TERT: variants seen among roughly 807,000 people sequenced by gnomAD.
The protein encoded by TERT is telomerase reverse transcriptase, also known as telomerase catalytic subunit.
Under a neutral mutation model 104.0 loss-of-function variants are expected in TERT, and 42 were observed. The ratio of observed to expected loss-of-function variants is 0.40; its 90% CI spans 0.32 to 0.52. TERT has a LOEUF of 0.52. Among genes scored for constraint, TERT ranks in the 20% least tolerant of loss-of-function variants. TERT has a pLI of 0.43. For synonymous variants in TERT, 781 were observed against 725.6 expected, an observed-to-expected ratio of 1.08 and a Z score of -1.23; for missense variants, 1,101 against 1,610.3, an observed-to-expected ratio of 0.68 and a Z score of 5.41.
chr5:1,260,351 T>C (rs1023051497), intron 12 of TERT, 123 bp downstream of exon 12: 4 of 1,464,302 alleles, frequency 2.7e-6, no homozygotes, highest in Non-Finnish European at 1.9e-6. Flanking sequence ...TATGCGTACA[T>C]GTGCACTCTT....
chr5:1,289,876 G>C (rs1392945305), intron 2 of TERT, among the ~76,000 whole-genome samples: 1 of 75,304 alleles, frequency 1.3e-5, no homozygotes, highest in Non-Finnish European at 2.4e-5. Context: ...AGGGACACCC[G>C]GGGGCCGCGC....
At chr5:1,260,999 C>T (rs889529406) in intron 11 of TERT, among the ~76,000 whole-genome samples, 36 of 152,134 alleles carry the variant, frequency 2.4e-4, no homozygotes, top group African/African-American at 8.2e-4. Flanking sequence ...CTGAGTTGGG[C>T]GTGGGGAATC....
intron 12 of TERT, among the ~76,000 whole-genome samples, chr5:1,259,995 G>A (rs1748107387): frequency 6.6e-6 from 1 of 152,144 alleles, no homozygotes; most frequent in Non-Finnish European, 1.5e-5. Context: ...AGGAGAGGGA[G>A]TGGACGCGGA....
rs1747726337 is a variant in TERT at position 1,256,335 on chromosome 5, T to C, written c.3033-924A>G. 6.6e-6 allele frequency among the ~76,000 whole-genome samples: 1 copy of C among 152,116 alleles called. No individual in the cohort carries two copies. Among genetic ancestry groups the C allele is most frequent in the Non-Finnish European group, 1.5e-5 (1 of 68,020 alleles). ...GCCCTGTCAGCCTCCATCTTTGGCC[T>C]CTCAGCTTCCTGGGACTTTGGGGCA... On this transcript the variant is annotated intron_variant, in intron 13 of 15. Coordinates refer to ENST00000310581, the MANE Select transcript of TERT (RefSeq NM_198253.3). The surrounding 1 kb of genome is among the most constrained non-coding windows in gnomAD (Gnocchi z 7.0).
At position 1,253,676 on chromosome 5, in the gene TERT, C is replaced by T. The variant is rs952350539; in HGVS notation, c.*52G>A. 85 of 1,491,408 alleles carry T rather than the reference C, an allele frequency of 5.7e-5. No individual in the cohort carries two copies. The highest frequency in any genetic ancestry group is 1.9e-4 in the Middle Eastern group (1 of 5,174). 92.4% of individuals were successfully genotyped at this position (1,491,408 alleles called of 1,614,324 possible). On this transcript the variant is annotated 3_prime_UTR_variant, in exon 16 of 16. Coordinates refer to ENST00000310581, the MANE Select transcript of TERT (RefSeq NM_198253.3). ...TCCCTCCCTGGGACGTAGAGCCCGG[C>T]GTGACAGGGCTGCTGGTGTCTGCTC...
chr5:1,259,445 G>C (rs1388080287), intron 12 of TERT, among the ~76,000 whole-genome samples: 16 of 141,380 alleles, frequency 1.1e-4, no homozygotes, highest in South Asian at 2.4e-4. Context: ...CAGGAGAGAG[G>C]GAGCGGACGC....
Position 1,264,508 on chromosome 5 carries a change from G to A in TERT, c.2739C>T (p.Ala913=), listed in dbSNP as rs771835512. 1.9e-6 allele frequency: 3 copies of A among 1,613,890 alleles called. No individual in the cohort carries two copies. The highest frequency in any genetic ancestry group is 2.5e-6 in the Non-Finnish European group (3 of 1,180,038). Residue 913 remains alanine, a synonymous_variant, in exon 11 of 16, where the codon GCC becomes GCT. Transcript: ENST00000310581. Reference sequence around the variant, plus strand: ...TCTGAACAAAAGCCGTGCCACCCAGGGCCTCGTCTTCTACAGGGAAGTTCA... The same window carrying A: ...TCTGAACAAAAGCCGTGCCACCCAGAGCCTCGTCTTCTACAGGGAAGTTCA... ...TVVNFPVEDE[A]LGGTAFVQMP...
chr5:1,282,695 C>G (rs1479221595), intron 2 of TERT, 71 bp from the exon 3 acceptor site: 9 of 1,499,014 alleles, frequency 6.0e-6, no homozygotes, highest in Non-Finnish European at 8.3e-6. Context: ...CCTGCACCAT[C>G]CGGACACCGC....
chr5:1,285,602 G>A (rs972450708), intron 2 of TERT, among the ~76,000 whole-genome samples: 2 of 111,052 alleles, frequency 1.8e-5, no homozygotes, highest in Non-Finnish European at 3.4e-5. Flanking sequence ...ACAGAGTCTC[G>A]CTGTGTTGCC....
intron 3 of TERT, among the ~76,000 whole-genome samples, chr5:1,281,080 T>C (rs568101310): frequency 1.3e-5 from 2 of 151,726 alleles, no homozygotes; most frequent in African/African-American, 2.4e-5. Flanking sequence ...AGAACAACAG[T>C]CCCAGTAGTG....
Position 1,268,937 on chromosome 5 carries a change from C to G in TERT, c.2469-304G>C, listed in dbSNP as rs1748824955. Reference sequence around the variant, plus strand: ...TAAATCTTAGAGTTTATTCACAGAACCAGACACTTGACCCGGAATGAATGC... The same window carrying G: ...TAAATCTTAGAGTTTATTCACAGAAGCAGACACTTGACCCGGAATGAATGC... On this transcript the variant is annotated intron_variant, in intron 8 of 15. Coordinates refer to ENST00000310581, the MANE Select transcript of TERT (RefSeq NM_198253.3). The surrounding 1 kb of genome is among the most constrained non-coding windows in gnomAD (Gnocchi z 5.5). Among the ~76,000 whole-genome samples, 1 of 151,986 alleles carries G rather than the reference C, an allele frequency of 6.6e-6. No homozygotes were observed. Among genetic ancestry groups the G allele is most frequent in the Non-Finnish European group, 1.5e-5 (1 of 68,008 alleles).
Position 1,293,433 on chromosome 5 carries a change from G to T in TERT, c.1453C>A (p.Arg485Ser). Residue 485 changes from arginine to serine, a missense_variant, in exon 2 of 16, where the codon CGC becomes AGC. By Grantham distance (110) the Arg-to-Ser change is moderately radical. This residue lies in a region of TERT where 504 missense variants were observed against 544.6 expected (regional missense o/e 0.93). Coordinates refer to ENST00000310581, the MANE Select transcript of TERT (RefSeq NM_198253.3). ...PGLWGSRHNE[R>S]RFLRNTKKFI... ...TTCTTGGTGTTCCTGAGGAAGCGGC[G>T]TTCGTTGTGCCTGGAGCCCCAGAGG... 6.2e-7 allele frequency: 1 copy of T among 1,612,290 alleles called. No homozygotes were observed. Among genetic ancestry groups the T allele is most frequent in the Non-Finnish European group, 8.5e-7 (1 of 1,179,668 alleles).
intron 13 of TERT, among the ~76,000 whole-genome samples, chr5:1,258,362 G>A (rs888475542): frequency 6.6e-6 from 1 of 152,278 alleles, no homozygotes; most frequent in African/African-American, 2.4e-5. Context: ...CAGTGCACAG[G>A]CACAGTGGGG....
In TERT at chr5:1,268,499, C is replaced by G. The variant is rs1554039719; in HGVS notation, c.2582+21G>C. The G allele has an allele frequency of 6.2e-7, 1 of 1,600,026 alleles. No individual in the cohort carries two copies. Among genetic ancestry groups the G allele is most frequent in the Non-Finnish European group, 8.6e-7 (1 of 1,168,526 alleles). On this transcript the variant is annotated intron_variant, in intron 9 of 15. Coordinates refer to ENST00000310581, the MANE Select transcript of TERT (RefSeq NM_198253.3). This position sits in a 1 kb window ranked among gnomAD's most constrained non-coding sequence, Gnocchi z 5.5. ...CAAATCAACCCCCACCCAAGCCCCC[C>G]TGGGGAAGAGGAGGCCTCACCCGTC...
chr5:1,267,694 C>G (rs1323544789), intron 9 of TERT, among the ~76,000 whole-genome samples: 1 of 152,068 alleles, frequency 6.6e-6, no homozygotes, highest in Non-Finnish European at 1.5e-5. Context: ...GGGACATGGA[C>G]GAAGCTGGAA....
Position 1,257,193 on chromosome 5 carries a change from C to T in TERT, c.3032+1405G>A, listed in dbSNP as rs967593309. On this transcript the variant is annotated intron_variant, in intron 13 of 15. Coordinates refer to ENST00000310581, the MANE Select transcript of TERT (RefSeq NM_198253.3). The surrounding 1 kb of genome is among the most constrained non-coding windows in gnomAD (Gnocchi z 5.6). ...TCAGCCGCCCTGCCCTGAGCCCAGG[C>T]CCTCTACGGGAGCTCCTCGGAGCTA... Among the ~76,000 whole-genome samples, 1 of 152,172 alleles carries T rather than the reference C, an allele frequency of 6.6e-6. No individual in the cohort carries two copies. The highest frequency in any genetic ancestry group is 1.5e-5 in the Non-Finnish European group (1 of 68,024).
In TERT at chr5:1,268,044, C is replaced by T. The variant is rs181247069; in HGVS notation, c.2582+476G>A. ...TGAGTTGAACCACATTAGGTTGGCA[C>T]GATATTTAGGTGTGTGCGTCCTTGG... On this transcript the variant is annotated intron_variant, in intron 9 of 15. Coordinates refer to ENST00000310581, the MANE Select transcript of TERT (RefSeq NM_198253.3). This position sits in a 1 kb window ranked among gnomAD's most constrained non-coding sequence, Gnocchi z 5.5. Among the ~76,000 whole-genome samples, 36 of 152,152 alleles carry T rather than the reference C, an allele frequency of 2.4e-4. No individual in the cohort carries two copies. In the South Asian group the frequency reaches 6.0e-3, roughly 25 times the overall value.
At position 1,264,596 on chromosome 5, in the gene TERT, A is replaced by C; in HGVS notation, c.2655-4T>G. On this transcript the variant is annotated splice_region_variant and splice_polypyrimidine_tract_variant and intron_variant, in intron 10 of 15. Transcript: ENST00000310581. ...AGGGACACCTCGGACCAGGGTCCTA[A>C]GGCAGAGGGGCAATGTCAGCCCCAG... The C allele has an allele frequency of 6.2e-7, 1 of 1,613,930 alleles. No homozygotes were observed. Among genetic ancestry groups the C allele is most frequent in the Non-Finnish European group, 8.5e-7 (1 of 1,180,026 alleles).
intron 6 of TERT, among the ~76,000 whole-genome samples, chr5:1,277,553 G>T (rs868820217): frequency 1.1e-4 from 16 of 151,742 alleles, no homozygotes; most frequent in African/African-American, 3.1e-4. Context: ...TGGAGGTCGA[G>T]GTCGGAACGA....
Sources: gnomAD v4.1 joint callset for allele counts (sites outside exome capture counted in the v4.1 genomes callset) on GRCh38, gnomAD v4.1.1 for gene constraint, gnomAD v4.1.1 regional missense constraint, Gnocchi (gnomAD v3.1) non-coding constraint, MANE v1.5 for transcripts, NCBI Gene and HGNC (gene_info 2026-07-23, HGNC 2026-07-21) for gene names.